The following ANK2 variants were observed in gnomAD, a reference collection of about 807,000 sequenced individuals.
ANK2 encodes ankyrin 2, also known as ankyrin-2.
A neutral mutation model predicts 360.5 loss-of-function variants in ANK2; 83 were observed. The ratio of observed to expected loss-of-function variants is 0.23; its 90% CI spans 0.19 to 0.28. The LOEUF is 0.28. Ranked by LOEUF, ANK2 falls within the 10% of genes least tolerant of loss-of-function variation. ANK2 has a pLI of 1.00. For missense variants in ANK2, 4,201 were observed against 4,795.7 expected (o/e 0.88, Z 3.66); for synonymous variants, 1,740 against 1,759.5 (o/e 0.99, Z 0.28).
chr4:113,281,272 T>C (rs1359443689), intron 17 of ANK2, among the ~76,000 whole-genome samples: 1 of 152,142 alleles, frequency 6.6e-6, no homozygotes, highest in Non-Finnish European at 1.5e-5. Flanking sequence ...GATTACAGGC[T>C]CAAACCTGTA....
the ANK2 span, among the ~76,000 whole-genome samples, chr4:112,784,884 A>C: frequency 6.6e-6 from 1 of 152,236 alleles, no homozygotes; most frequent in Non-Finnish European, 1.5e-5. Flanking sequence ...TTGGTCTTAC[A>C]GAAAAATATA....
intron 2 of ANK2, among the ~76,000 whole-genome samples, chr4:112,996,288 C>G (rs2048476711): frequency 6.6e-6 from 1 of 152,038 alleles, no homozygotes; most frequent in Non-Finnish European, 1.5e-5. Flanking sequence ...GAGGGCCAGT[C>G]TACAAACGAG....
At chr4:113,255,673 T>G in intron 10 of ANK2, 62 bp from the exon 11 acceptor site, 1 of 1,572,220 alleles carries the variant, frequency 6.4e-7, no homozygotes, top group South Asian at 1.1e-5. Flanking sequence ...TTTGCTGTAC[T>G]TTGGAACCTG....
In ANK2 at chr4:113,311,297, C is replaced by T. The variant is rs1359675325; in HGVS notation, c.2591C>T (p.Pro864Leu). ...GGTGATGGGGGAGAATACCTTAGGC[C>T]TGAGGACCTAAAAGAACTGGGTGAT... ...MTGDGGEYLRPEDLKELGDDS... is the reference protein window; with the variant it reads ...MTGDGGEYLRLEDLKELGDDS... The change falls in exon 24 of 46, where the codon CCT becomes CTT. Residue 864 changes from proline (P) to leucine (L), a missense_variant. By Grantham distance (98) the Pro-to-Leu change is moderately conservative. Transcript: ENST00000357077. 6.2e-7 allele frequency: 1 copy of T among 1,613,986 alleles called. No individual in the cohort carries two copies. The highest frequency in any genetic ancestry group is 8.5e-7 in the Non-Finnish European group (1 of 1,180,028).
the ANK2 span, among the ~76,000 whole-genome samples, chr4:112,717,596 A>T: frequency 6.6e-6 from 1 of 152,170 alleles, no homozygotes; most frequent in Non-Finnish European, 1.5e-5. Flanking sequence ...AGGACTAATC[A>T]CTTCATAATG....
the ANK2 span, among the ~76,000 whole-genome samples, chr4:112,747,608 A>T: frequency 6.6e-6 from 1 of 152,210 alleles, no homozygotes; most frequent in Non-Finnish European, 1.5e-5. Context: ...TTTCAAATTG[A>T]AAGTTAAATA....
chr4:112,850,293 T>C (rs2149939673), intron 1 of ANK2, among the ~76,000 whole-genome samples: 2 of 138,596 alleles, frequency 1.4e-5, no homozygotes, highest in African/African-American at 5.6e-5. Flanking sequence ...TCTATCTATC[T>C]ATCTATCTAA....
chr4:113,087,775 T>C (rs2085577948), intron 1 of ANK2, among the ~76,000 whole-genome samples: 1 of 152,288 alleles, frequency 6.6e-6, no homozygotes, highest in East Asian at 1.9e-4. Context: ...CAGTTATACA[T>C]ATAGTAACTT....
At chr4:113,162,892 C>G (rs979193353) in intron 1 of ANK2, among the ~76,000 whole-genome samples, 6 of 152,108 alleles carry the variant, frequency 3.9e-5, no homozygotes, top group Non-Finnish European at 7.4e-5. Context: ...AGCTAAATAA[C>G]TCATTGTTAA....
At chr4:112,804,668 G>C in the ANK2 span, among the ~76,000 whole-genome samples, 10 of 152,192 alleles carry the variant, frequency 6.6e-5, no homozygotes, top group East Asian at 1.2e-3. Context: ...GACCCATATA[G>C]AGGACATGGA....
intron 21 of ANK2, chr4:113,293,136 T>G: frequency 4.4e-6 from 2 of 458,856 alleles, no homozygotes; most frequent in Non-Finnish European, 4.2e-6. Context: ...ATGAGGCACT[T>G]TCTTAAGTGC....
chr4:112,845,142 T>A (rs372249214), intron 1 of ANK2, among the ~76,000 whole-genome samples: 3 of 152,164 alleles, frequency 2.0e-5, no homozygotes, highest in Admixed American at 1.3e-4. Flanking sequence ...TTATCAAAAC[T>A]TTTTATTTTG....
At chr4:112,918,848 GTTGT>G (rs2090687649) in intron 2 of ANK2, among the ~76,000 whole-genome samples, 1 of 152,130 alleles carries the variant, frequency 6.6e-6, no homozygotes, top group South Asian at 2.1e-4. Context: ...TTGCTTGGCT[GTTGT>G]TTATTTGGCT....
chr4:113,366,830 C>T (rs1043185976), intron 41 of ANK2, among the ~76,000 whole-genome samples: 6 of 152,106 alleles, frequency 3.9e-5, no homozygotes, highest in Non-Finnish European at 7.3e-5. Context: ...AATGCAAGTT[C>T]AGTGGGGACG....
At chr4:112,732,956 C>A in the ANK2 span, among the ~76,000 whole-genome samples, 1 of 152,020 alleles carries the variant, frequency 6.6e-6, no homozygotes, top group African/African-American at 2.4e-5. Flanking sequence ...CGGTGGCTCA[C>A]GCCTGTAATC....
intron 14 of ANK2, among the ~76,000 whole-genome samples, chr4:113,271,355 C>T (rs1268721302): frequency 6.6e-6 from 1 of 152,160 alleles, no homozygotes; most frequent in African/African-American, 2.4e-5. Flanking sequence ...TGTCCGTTTC[C>T]CCCAAATGAG....
In ANK2 at chr4:113,018,948, G is replaced by A. The variant is rs758328624; in HGVS notation, c.21+114434G>A. On this transcript the variant is annotated intron_variant, in intron 2 of 30. Transcript: ENST00000503271. Reference sequence around the variant, plus strand: ...ATCTAATTTGACACATAATTCTAAGGTGAAGCTGAACCTCCTCAAATATTG... The same window carrying A: ...ATCTAATTTGACACATAATTCTAAGATGAAGCTGAACCTCCTCAAATATTG... 6.6e-5 allele frequency among the ~76,000 whole-genome samples: 10 copies of A among 152,030 alleles called. No homozygotes were observed. In the South Asian group the frequency reaches 1.0e-3, roughly 16 times the overall value.
chr4:113,355,378 A>T lies in ANK2; in HGVS notation c.6760A>T (p.Ser2254Cys), dbSNP rs1564013615. Residue 2254 changes from serine (S) to cysteine (C), a missense_variant, in exon 38 of 46, where the codon AGT becomes TGT. Physicochemically the swap from Ser to Cys is moderately radical, Grantham distance 112. Coordinates refer to ENST00000357077, the MANE Select transcript of ANK2 (RefSeq NM_001148.6). The stretch of plus-strand genomic sequence containing the variant: ...AAGCCTTTCTTTCTCACCAAAGAAA[A>T]GTGAGGAGCAAACTGGGGAAACAAA... ...PESLSFSPKKSEEQTGETKES... is the reference protein window; with the variant it reads ...PESLSFSPKKCEEQTGETKES... 2 of 1,614,056 alleles carry T rather than the reference A, an allele frequency of 1.2e-6. No individual in the cohort carries two copies. Among genetic ancestry groups the T allele is most frequent in the Non-Finnish European group, 1.7e-6 (2 of 1,179,984 alleles).
At chr4:113,141,709 G>A (rs2096643037) in intron 1 of ANK2, among the ~76,000 whole-genome samples, 1 of 152,156 alleles carries the variant, frequency 6.6e-6, no homozygotes, top group Non-Finnish European at 1.5e-5. Context: ...CAAGGTGTTA[G>A]TTTCCTGATG....
Sources: gnomAD v4.1 joint callset for allele counts (sites outside exome capture counted in the v4.1 genomes callset) on GRCh38, gnomAD v4.1.1 for gene constraint, MANE v1.5 for transcripts, NCBI Gene and HGNC (gene_info 2026-07-23, HGNC 2026-07-21) for gene names.